Variants in BCOR observed in about 807,000 individuals in gnomAD.
The protein encoded by BCOR is BCL-6 corepressor.
A neutral mutation model predicts 86.7 loss-of-function variants in BCOR; 10 were observed. The observed-to-expected ratio is 0.12, with a 90% CI of 0.07 to 0.20. The LOEUF (loss-of-function observed/expected upper bound fraction) is 0.20. Among genes scored for constraint, BCOR ranks in the 10% least tolerant of loss-of-function variants. The probability of loss-of-function intolerance (pLI) is 1.00; values close to 1 mark genes in which losing one functional copy is unlikely to be tolerated. For synonymous variants in BCOR, 611 were observed against 609.0 expected (o/e 1.00, Z -0.05); for missense variants, 1,259 against 1,452.1 (o/e 0.87, Z 2.16).
intron 1 of BCOR, among the ~76,000 whole-genome samples, chrX:40,129,460 G>A (rs1445604844): frequency 9.5e-6 from 1 of 105,224 alleles, no homozygotes; most frequent in African/African-American, 3.7e-5. Context: ...CTCCAGCCTG[G>A]CGACAGTGAG....
intron 1 of BCOR, among the ~76,000 whole-genome samples, chrX:40,079,718 C>A (rs183948351): frequency 9.0e-5 from 10 of 111,545 alleles, no homozygotes; most frequent in African/African-American, 3.3e-4. Context: ...CCCCAAAGGA[C>A]CGACTCGGCT....
intron 1 of BCOR, among the ~76,000 whole-genome samples, chrX:40,146,881 C>A (rs1160836193): frequency 8.9e-6 from 1 of 112,603 alleles, no homozygotes; most frequent in African/African-American, 3.2e-5. Flanking sequence ...GCAGACACCG[C>A]TGTCAGCCCC....
chrX:40,143,046 G>A (rs773928845), intron 1 of BCOR, among the ~76,000 whole-genome samples: 4 of 112,382 alleles, frequency 3.6e-5, no homozygotes, highest in Non-Finnish European at 7.5e-5. Flanking sequence ...GGTAAATGAC[G>A]AGCTGAGCTG....
intron 1 of BCOR, among the ~76,000 whole-genome samples, chrX:40,118,085 T>C (rs1281822132): frequency 8.9e-5 from 9 of 101,529 alleles, no homozygotes; most frequent in Non-Finnish European, 1.4e-4. Flanking sequence ...GAACTGAAAT[T>C]GTCTCCTCCC....
rs1386412495 is a variant in BCOR, at chrX:40,054,086, G to T, written c.4820-44C>A. The T allele has an allele frequency of 3.4e-6, 4 of 1,179,717 alleles. No homozygotes were observed. In the South Asian group the frequency reaches 7.2e-5, roughly 21 times the overall value. ...GAGAGGAAGGAATCAGTAAACTACA[G>T]CAAGATGTCCACAGTTGTCAACAAC... is the stretch of plus-strand genomic sequence containing the variant. On this transcript the variant is annotated intron_variant, in intron 13 of 14. Transcript: ENST00000378444.
At chrX:40,070,888 A>C in intron 6 of BCOR, 85 bp downstream of exon 6, 1 of 955,987 alleles carries the variant, frequency 1.0e-6, no homozygotes, top group Non-Finnish European at 1.5e-6. Flanking sequence ...CCTTCATTCC[A>C]TGCATGGCAA....
At chrX:40,106,694 G>C (rs1039288983) in intron 1 of BCOR, among the ~76,000 whole-genome samples, 2 of 113,018 alleles carry the variant, frequency 1.8e-5, no homozygotes, top group African/African-American at 3.2e-5. Context: ...TTTCCCCTTT[G>C]TTTTCGGGGT....
At chrX:40,110,661 CTTTTTCTTTTTTTTTTTT>C (rs1937288066) in intron 1 of BCOR, among the ~76,000 whole-genome samples, 1 of 24,672 alleles carries the variant, frequency 4.1e-5, no homozygotes, top group East Asian at 2.4e-3. Flanking sequence ...TTCTTTTTTC[CTTTTTCTTTTTTTTTTTT>C]TTTTTTTTTT....
At chrX:40,154,121 A>G (rs1938231762) in intron 1 of BCOR, among the ~76,000 whole-genome samples, 1 of 112,127 alleles carries the variant, frequency 8.9e-6, no homozygotes, top group Non-Finnish European at 1.9e-5. Context: ...ATAATAAAAA[A>G]TAATTAATAA....
At chrX:40,071,224 G>A (rs2147182610) in intron 5 of BCOR, 65 bp from the exon 6 acceptor site, 2 of 1,081,902 alleles carry the variant, frequency 1.8e-6, no homozygotes, top group Non-Finnish European at 2.5e-6. Context: ...TATTTCATTT[G>A]CCTTATCTTA....
At chrX:40,096,922 C>T (rs1936909860) in intron 1 of BCOR, among the ~76,000 whole-genome samples, 1 of 111,709 alleles carries the variant, frequency 9.0e-6, no homozygotes, top group African/African-American at 3.2e-5. Context: ...AACTTCCACT[C>T]TGCGAACTCC....
chrX:40,061,321 GC>G (rs1934855308), intron 10 of BCOR, among the ~76,000 whole-genome samples: 1 of 111,753 alleles, frequency 8.9e-6, no homozygotes, highest in African/African-American at 3.3e-5. Context: ...CTGGAGAGGA[GC>G]CGAGTTTGGG....
chrX:40,079,842 T>G (rs1392172652), intron 1 of BCOR, among the ~76,000 whole-genome samples: 1 of 110,399 alleles, frequency 9.1e-6, no homozygotes, highest in Non-Finnish European at 1.9e-5. Context: ...CATTCCCTTG[T>G]GCAGTGGCAG....
intron 1 of BCOR, among the ~76,000 whole-genome samples, chrX:40,112,872 C>T (rs1602232557): frequency 9.1e-6 from 1 of 110,460 alleles, no homozygotes; most frequent in East Asian, 2.8e-4. Context: ...TTTGCTTTAA[C>T]TCCCTTCCCC....
At chrX:40,054,449 C>T (rs1356580569) in intron 12 of BCOR, 116 bp from the exon 13 acceptor site, 1 of 555,601 alleles carries the variant, frequency 1.8e-6, no homozygotes, top group Non-Finnish European at 3.1e-6. Flanking sequence ...AGGTCATTTC[C>T]TGTCTTCCTC....
chrX:40,113,783 T>C (rs1193022829), intron 1 of BCOR, among the ~76,000 whole-genome samples: 1 of 111,253 alleles, frequency 9.0e-6, no homozygotes, highest in Non-Finnish European at 1.9e-5. Flanking sequence ...AAACAATAAA[T>C]GAAGTATTGC....
At chrX:40,098,344 T>TCCC (rs1268944042), upstream of BCOR, among the ~76,000 whole-genome samples, 9 of 106,490 alleles carry the variant, frequency 8.5e-5, 1 homozygote, top group African/African-American at 3.1e-4. Context: ...TCCCCCGGCC[T>TCCC]CCCCTCCCCA....
In BCOR at chrX:40,052,474, C is replaced by T. The variant is rs112177141; in HGVS notation, c.4977-74G>A. On this transcript the variant is annotated intron_variant, in intron 14 of 14. Coordinates refer to ENST00000378444, the MANE Select transcript of BCOR (RefSeq NM_001123385.2). ...TGCGCCCAACTATTAATATTAACTA[C>T]CAACCCAAGTGGACCAGCCTCTATG... The T allele has an allele frequency of 2.9e-3, 2,939 of 1,022,607 alleles. 53 individuals carry two copies. The African/African-American group carries it at 0.047, about 17-fold the overall frequency. The allele number at this position is 1,022,607 out of a possible 1,213,427, so 84.3% of individuals were successfully genotyped here.
chrX:40,146,802 C>A (rs1050341211), intron 1 of BCOR, among the ~76,000 whole-genome samples: 1 of 112,276 alleles, frequency 8.9e-6, no homozygotes, highest in Non-Finnish European at 1.9e-5. Flanking sequence ...GTTCCCAGGG[C>A]CTTGGCACCT....
Sources: gnomAD v4.1 joint callset for allele counts (sites outside exome capture counted in the v4.1 genomes callset) on GRCh38, gnomAD v4.1.1 for gene constraint, MANE v1.5 for transcripts, NCBI Gene and HGNC (gene_info 2026-07-23, HGNC 2026-07-21) for gene names.